Variants in AK9 observed in about 807,000 individuals in gnomAD.
AK9 encodes the protein adenylate kinase domain containing 1.
A neutral mutation model predicts 239.6 loss-of-function variants in AK9; 191 were observed. The ratio of observed to expected loss-of-function variants is 0.80; its 90% CI spans 0.71 to 0.90. AK9 has a LOEUF of 0.90. AK9 is among the 40% of genes least tolerant of loss of function. AK9 has a pLI of 0.00. For synonymous variants in AK9, 689 were observed against 721.0 expected (o/e 0.96, Z 0.71); for missense variants, 1,995 against 2,214.7 (o/e 0.90, Z 1.99).
At chr6:109,546,746 A>C (rs9374095) in intron 25 of AK9, among the ~76,000 whole-genome samples, 1 of 151,972 alleles carries the variant, frequency 6.6e-6, no homozygotes, top group African/African-American at 2.4e-5. Context: ...GGAAGGAGAA[A>C]AATTAGAATG....
At chr6:109,543,029 C>T (rs544113786) in intron 26 of AK9, among the ~76,000 whole-genome samples, 11 of 152,182 alleles carry the variant, frequency 7.2e-5, no homozygotes, top group African/African-American at 2.4e-4. Context: ...ATCTCTCCAA[C>T]CTAGATCCTG....
intron 24 of AK9, among the ~76,000 whole-genome samples, chr6:109,563,140 C>T (rs1325117411): frequency 2.0e-5 from 3 of 152,130 alleles, no homozygotes; most frequent in Non-Finnish European, 2.9e-5. Context: ...ACTTATAAAG[C>T]TTCAAATGAA....
chr6:109,549,130 T>TA (rs1208945816), intron 25 of AK9, among the ~76,000 whole-genome samples: 1 of 152,146 alleles, frequency 6.6e-6, no homozygotes, highest in Admixed American at 6.5e-5. Flanking sequence ...AATGCTCCAC[T>TA]AAAAAATGAC....
chr6:109,564,694 C>G, intron 22 of AK9, 62 bp downstream of exon 22: 1 of 1,298,606 alleles, frequency 7.7e-7, no homozygotes, highest in East Asian at 2.6e-5. Flanking sequence ...AATTAGGGAC[C>G]CTTTGTAAGA....
chr6:109,642,590 C>A (rs1365770095), intron 9 of AK9, among the ~76,000 whole-genome samples: 1 of 152,066 alleles, frequency 6.6e-6, no homozygotes, highest in East Asian at 1.9e-4. Flanking sequence ...GAGCTTCTGC[C>A]CTCTACCTTG....
chr6:109,684,868 C>T (rs1350659670), intron 1 of AK9, among the ~76,000 whole-genome samples: 3 of 58,868 alleles, frequency 5.1e-5, no homozygotes, highest in African/African-American at 1.4e-4. Context: ...AGTGAGACTC[C>T]GTCTCAAAAA....
chr6:109,628,490 C>A (rs1795785010), intron 12 of AK9, among the ~76,000 whole-genome samples: 1 of 152,190 alleles, frequency 6.6e-6, no homozygotes, highest in African/African-American at 2.4e-5. Flanking sequence ...GAGCTCATCT[C>A]ATGAGTTTCT....
At chr6:109,505,124 C>T (rs1777982922) in intron 35 of AK9, among the ~76,000 whole-genome samples, 1 of 152,194 alleles carries the variant, frequency 6.6e-6, no homozygotes, top group Non-Finnish European at 1.5e-5. Context: ...AAAACAGATT[C>T]CCAATTTGTA....
At chr6:109,588,787 T>G (rs1461336114) in intron 17 of AK9, among the ~76,000 whole-genome samples, 1 of 152,212 alleles carries the variant, frequency 6.6e-6, no homozygotes, top group Non-Finnish European at 1.5e-5. Flanking sequence ...TTCATTCTTC[T>G]GCATATGGCT....
intron 6 of AK9, among the ~76,000 whole-genome samples, chr6:109,661,569 T>G (rs1583477369): frequency 6.6e-6 from 1 of 152,346 alleles, no homozygotes; most frequent in South Asian, 2.1e-4. Context: ...ATCTCTGTTA[T>G]GTCCACATTC....
At chr6:109,607,747 C>T (rs988117397) in intron 17 of AK9, among the ~76,000 whole-genome samples, 6 of 148,872 alleles carry the variant, frequency 4.0e-5, no homozygotes, top group Admixed American at 1.4e-4. Flanking sequence ...CAATGCAACC[C>T]GATCAAAATC....
chr6:109,607,036 C>T (rs1272279769), intron 17 of AK9, among the ~76,000 whole-genome samples: 1 of 152,092 alleles, frequency 6.6e-6, no homozygotes, highest in African/African-American at 2.4e-5. Flanking sequence ...GGTCCAAGTG[C>T]ATCAATCATA....
At chr6:109,495,031 T>C (rs138357766) in intron 39 of AK9, among the ~76,000 whole-genome samples, 4 of 152,332 alleles carry the variant, frequency 2.6e-5, no homozygotes, top group Non-Finnish European at 4.4e-5. Flanking sequence ...TATGAAAAGT[T>C]TCACAGACAT....
intron 24 of AK9, among the ~76,000 whole-genome samples, chr6:109,553,265 T>C (rs1784572365): frequency 6.6e-6 from 1 of 152,222 alleles, no homozygotes; most frequent in Non-Finnish European, 1.5e-5. Context: ...TCGATGGGAA[T>C]AGCATTGAAT....
intron 40 of AK9, 140 bp downstream of exon 40, chr6:109,493,841 G>A (rs1159513637): frequency 5.7e-6 from 4 of 703,294 alleles, no homozygotes; most frequent in Admixed American, 3.1e-5. Flanking sequence ...TAAAATATTT[G>A]CCCTGTATTG....
At chr6:109,636,887 G>A (rs1796783978) in intron 10 of AK9, among the ~76,000 whole-genome samples, 1 of 151,766 alleles carries the variant, frequency 6.6e-6, no homozygotes, top group Non-Finnish European at 1.5e-5. Flanking sequence ...ATCTGTTTGA[G>A]TTCCTGGTTT....
At chr6:109,528,651 C>T in intron 29 of AK9, 1 of 464,658 alleles carries the variant, frequency 2.2e-6, no homozygotes, top group Non-Finnish European at 4.3e-6. Flanking sequence ...CAGCAGTCCT[C>T]TGTACGGAAG....
At chr6:109,497,403 G>C (rs538249902) in intron 38 of AK9, 62 bp downstream of exon 38, 4 of 954,578 alleles carry the variant, frequency 4.2e-6, no homozygotes, top group Admixed American at 4.1e-5. Context: ...CCTCTCCCCC[G>C]TTCCCAGCAT....
chr6:109,631,532 A>G (rs1161667514), intron 12 of AK9, among the ~76,000 whole-genome samples: 1 of 152,210 alleles, frequency 6.6e-6, no homozygotes, highest in Non-Finnish European at 1.5e-5. Context: ...CGACCATAGT[A>G]AGAGTTGACA....
Sources: gnomAD v4.1 joint callset for allele counts (sites outside exome capture counted in the v4.1 genomes callset) on GRCh38, gnomAD v4.1.1 for gene constraint, MANE v1.5 for transcripts, NCBI Gene and HGNC (gene_info 2026-07-23, HGNC 2026-07-21) for gene names.